GPR141: variants seen among roughly 807,000 people sequenced by gnomAD.
GPR141 encodes the protein G protein-coupled receptor 141, also known as probable G protein-coupled receptor 141.
Under a neutral mutation model 6.8 loss-of-function variants are expected in GPR141, and 6 were observed. That is an observed-to-expected ratio of 0.88 (90% CI 0.48 to 1.74). GPR141 has a LOEUF of 1.74. Among genes scored for constraint, GPR141 ranks in the 40% most tolerant of loss-of-function variants. The pLI is 0.01. For synonymous variants in GPR141, 140 were observed against 142.3 expected, an observed-to-expected ratio of 0.98 and a Z score of 0.11; for missense variants, 372 against 372.9, an observed-to-expected ratio of 1.00 and a Z score of 0.02.
In GPR141 at chr7:37,741,296, T is replaced by C; in HGVS notation, c.903T>C (p.Cys301=). The part of the protein sequence containing the change: ...FKQKIIGLWN[C]VLCR ...AAAAGATAATTGGCTTATGGAATTG[T>C]GTTTTGTGCCGTTAGCCACAAACTA... The change falls in exon 3 of 3, where the codon TGT becomes TGC. Residue 301 remains cysteine (C), a synonymous_variant. Coordinates refer to ENST00000334425, the MANE Select transcript of GPR141 (RefSeq NM_001381946.1). 6.3e-7 allele frequency: 1 copy of C among 1,586,210 alleles called. No individual in the cohort carries two copies. Among genetic ancestry groups the C allele is most frequent in the Non-Finnish European group, 8.6e-7 (1 of 1,165,220 alleles).
rs1407745888 is a variant in GPR141 at position 37,742,766 on chromosome 7, C to T, written c.*1455C>T. On this transcript the variant is annotated 3_prime_UTR_variant, in exon 3 of 3. Coordinates refer to ENST00000334425, the MANE Select transcript of GPR141 (RefSeq NM_001381946.1). ...ACTAATGGGAACTAGGCTTAATACT[C>T]GGGATGAAATAATCTGTACAACAAA... Among the ~76,000 whole-genome samples the T allele has an allele frequency of 2.0e-5, 3 of 151,982 alleles. No homozygotes were observed. The highest frequency in any genetic ancestry group is 2.1e-4 in the South Asian group (1 of 4,812).
intron 2 of GPR141, among the ~76,000 whole-genome samples, chr7:37,708,334 A>C (rs1004743211): frequency 1.3e-5 from 2 of 150,848 alleles, no homozygotes; most frequent in African/African-American, 2.4e-5. Flanking sequence ...AAAAAAAAAA[A>C]ACGCAAAAGC....
intron 2 of GPR141, among the ~76,000 whole-genome samples, chr7:37,702,929 CAT>C (rs1312857619): frequency 6.6e-6 from 1 of 151,076 alleles, no homozygotes; most frequent in Non-Finnish European, 1.5e-5. Context: ...ATTGTTGATT[CAT>C]ATAAAATATG....
At position 37,740,870 on chromosome 7, in the gene GPR141, G is replaced by A; in HGVS notation, c.477G>A (p.Glu159=). The A allele has an allele frequency of 6.2e-7, 1 of 1,614,090 alleles. No homozygotes were observed. The highest frequency in any genetic ancestry group is 1.1e-5 in the South Asian group (1 of 91,088). ...PLVVSRYGIH[E]EYNEEHCFKF... is the part of the protein sequence containing the mutation. ...TTGTCTCCCGGTATGGAATCCATGA[G>A]GAATACAATGAGGAGCACTGTTTTA... The change falls in exon 3 of 3, where the codon GAG becomes GAA. Residue 159 remains glutamate, a synonymous_variant. Coordinates refer to ENST00000334425, the MANE Select transcript of GPR141 (RefSeq NM_001381946.1).
chr7:37,694,380 G>C (rs563340971), intron 2 of GPR141, among the ~76,000 whole-genome samples: 1 of 152,246 alleles, frequency 6.6e-6, no homozygotes, highest in South Asian at 2.1e-4. Flanking sequence ...AGTATATGAA[G>C]CAACTTCACC....
chr7:37,732,215 C>G (rs1360903561), intron 2 of GPR141, among the ~76,000 whole-genome samples: 1 of 143,956 alleles, frequency 6.9e-6, no homozygotes, highest in Non-Finnish European at 1.5e-5. Flanking sequence ...GTGATCTCGG[C>G]TCACTGCAAC....
chr7:37,740,637 A>T lies in GPR141; in HGVS notation c.244A>T (p.Met82Leu). The T allele has an allele frequency of 6.2e-7, 1 of 1,614,064 alleles. No individual in the cohort carries two copies. Among genetic ancestry groups the T allele is most frequent in the African/African-American group, 1.3e-5 (1 of 75,028 alleles). Residue 82 changes from methionine (M) to leucine (L), a missense_variant, in exon 3 of 3, where the codon ATG (methionine) becomes TTG (leucine). Physicochemically the swap from Met to Leu is conservative, Grantham distance 15 (BLOSUM62 2). Coordinates refer to ENST00000334425, the MANE Select transcript of GPR141 (RefSeq NM_001381946.1). ...RLTYLIKKTWMFGLPFCKFVS... is the reference protein window; with the variant it reads ...RLTYLIKKTWLFGLPFCKFVS... ...GACCTACCTCATCAAGAAGACTTGG[A>T]TGTTTGGGCTGCCCTTCTGCAAATT...
chr7:37,702,350 T>C (rs1810312935), intron 2 of GPR141, among the ~76,000 whole-genome samples: 1 of 152,086 alleles, frequency 6.6e-6, no homozygotes, highest in African/African-American at 2.4e-5. Flanking sequence ...CCTTCCTCCC[T>C]TCTGTCTTTT....
intron 2 of GPR141, among the ~76,000 whole-genome samples, chr7:37,730,373 G>A (rs1366642748): frequency 6.6e-6 from 1 of 152,204 alleles, no homozygotes; most frequent in Admixed American, 6.5e-5. Context: ...TGGGCACCTT[G>A]TAAGCTTCAG....
At chr7:37,726,240 G>C (rs566636730) in intron 2 of GPR141, among the ~76,000 whole-genome samples, 1 of 152,280 alleles carries the variant, frequency 6.6e-6, no homozygotes, top group South Asian at 2.1e-4. Context: ...TCCAAATCTT[G>C]ATTTGATTCT....
chr7:37,712,948 C>T (rs186145995), intron 2 of GPR141, among the ~76,000 whole-genome samples: 141 of 152,308 alleles, frequency 9.3e-4, no homozygotes, highest in African/African-American at 3.3e-3. Flanking sequence ...GTGTCTTCAT[C>T]TTCCTCTTAA....
intron 2 of GPR141, among the ~76,000 whole-genome samples, chr7:37,709,284 C>T (rs982173677): frequency 6.6e-6 from 1 of 152,074 alleles, no homozygotes; most frequent in African/African-American, 2.4e-5. Flanking sequence ...TGGTAAAGAT[C>T]ATAGTGTGCA....
chr7:37,706,938 C>T (rs185024526), intron 2 of GPR141, among the ~76,000 whole-genome samples: 41 of 152,262 alleles, frequency 2.7e-4, no homozygotes, highest in African/African-American at 7.2e-4. Context: ...TCTTCTCTCT[C>T]CTGAGAGCAA....
At chr7:37,706,866 A>G (rs1810546966) in intron 2 of GPR141, among the ~76,000 whole-genome samples, 1 of 152,202 alleles carries the variant, frequency 6.6e-6, no homozygotes, top group Non-Finnish European at 1.5e-5. Context: ...GACCCTTGCA[A>G]ATAGCCTGGG....
At chr7:37,709,890 A>G (rs962138318) in intron 2 of GPR141, 1 of 152,168 alleles carries the variant, frequency 6.6e-6, no homozygotes, top group Non-Finnish European at 1.5e-5. Flanking sequence ...TTGTTTGTCA[A>G]CTTGCCTCTC....
chr7:37,694,523 G>T (rs1225321024), intron 2 of GPR141, among the ~76,000 whole-genome samples: 1 of 152,208 alleles, frequency 6.6e-6, no homozygotes, highest in Non-Finnish European at 1.5e-5. Context: ...GCGTGCAGCT[G>T]CAGGTCAGAC....
At chr7:37,723,980 A>G (rs1201942485) in intron 2 of GPR141, among the ~76,000 whole-genome samples, 1 of 152,230 alleles carries the variant, frequency 6.6e-6, no homozygotes, top group Non-Finnish European at 1.5e-5. Flanking sequence ...CTCCCTGGGA[A>G]TGGAAAGAAC....
chr7:37,703,836 C>T (rs183581583), intron 2 of GPR141, among the ~76,000 whole-genome samples: 377 of 152,106 alleles, frequency 2.5e-3, no homozygotes, highest in African/African-American at 8.8e-3. Context: ...TATGGTTCAC[C>T]AATTTTTATT....
intron 2 of GPR141, among the ~76,000 whole-genome samples, chr7:37,696,710 C>T (rs1337508760): frequency 6.6e-6 from 1 of 151,926 alleles, no homozygotes; most frequent in Non-Finnish European, 1.5e-5. Context: ...GTTGTAATCT[C>T]CTTGTAGAAC....
Sources: allele counts gnomAD v4.1 joint callset (sites outside exome capture counted in the v4.1 genomes callset), GRCh38; gene constraint gnomAD v4.1.1; transcripts MANE v1.5; gene names NCBI Gene and HGNC (gene_info 2026-07-23, HGNC 2026-07-21).